GRK1: variants seen among roughly 807,000 people sequenced by gnomAD.
GRK1 encodes rhodopsin kinase GRK1.
A neutral mutation model predicts 41.7 loss-of-function variants in GRK1; 28 were observed. That is an observed-to-expected ratio of 0.67 (90% CI 0.50 to 0.92). GRK1 has a LOEUF of 0.92. Among genes scored for constraint, GRK1 ranks in the 40% least tolerant of loss-of-function variants. GRK1 has a pLI of 0.00. For synonymous variants in GRK1, 327 were observed against 286.7 expected, an observed-to-expected ratio of 1.14 and a Z score of -1.42; for missense variants, 703 against 671.2, an observed-to-expected ratio of 1.05 and a Z score of -0.52.
rs779956968 is a variant in GRK1, at chr13:113,733,037, C to T, written c.1348C>T (p.Arg450Cys). The T allele has an allele frequency of 4.1e-5, 63 of 1,536,964 alleles. No individual in the cohort carries two copies. In the Admixed American group the frequency reaches 7.6e-4, roughly 19 times the overall value. The change falls in exon 6 of 7, where the codon CGT becomes TGT. Residue 450 changes from arginine to cysteine, a missense_variant. By Grantham distance (180) the Arg-to-Cys change is radical. Transcript: ENST00000335678. ...CAGAGATGAGACCTGCGACAAGCTCCGTGCCCACCCCCTCTTCAAGGACCT... is the reference window on the plus strand; with the variant it reads ...CAGAGATGAGACCTGCGACAAGCTCTGTGCCCACCCCCTCTTCAAGGACCT... ...GFRDETCDKL[R>C]AHPLFKDLNW...
At chr13:113,734,666 G>A (rs1389429755) in intron 6 of GRK1, 11 of 164,660 alleles carry the variant, frequency 6.7e-5, no homozygotes, top group Admixed American at 3.8e-4. Context: ...GAGTGCCTGG[G>A]GTCTGGGGTC....
chr13:113,729,064 C>T (rs146266819), intron 4 of GRK1, among the ~76,000 whole-genome samples: 187 of 152,230 alleles, frequency 1.2e-3, no homozygotes, highest in African/African-American at 4.2e-3. Flanking sequence ...AGTCAGGCCG[C>T]GGTGAAGGGA....
intron 4 of GRK1, among the ~76,000 whole-genome samples, chr13:113,729,973 C>A (rs2049922899): frequency 6.6e-6 from 1 of 150,822 alleles, no homozygotes; most frequent in Non-Finnish European, 1.5e-5. Flanking sequence ...GCCCCTCCAT[C>A]TGGAGACAGT....
Position 113,731,105 on chromosome 13 carries a change from A to G in GRK1, c.1070-114A>G. The G allele has an allele frequency of 7.1e-7, 1 of 1,404,196 alleles. No individual in the cohort carries two copies. The highest frequency in any genetic ancestry group is 9.4e-7 in the Non-Finnish European group (1 of 1,060,196). The allele number at this position is 1,404,196 out of a possible 1,614,324, so 87.0% of individuals were successfully genotyped here. A position where few individuals can be genotyped will look rare whatever the true frequency, so the allele number is the denominator to read the frequency against. ...GGATTTTCTGGCCCCAAATGTGGAGAGTGCTGAGGCCCCGGGGGGGATGCA... is the reference window on the plus strand; with the variant it reads ...GGATTTTCTGGCCCCAAATGTGGAGGGTGCTGAGGCCCCGGGGGGGATGCA... On this transcript the variant is annotated intron_variant, in intron 4 of 6. Coordinates refer to ENST00000335678, the MANE Select transcript of GRK1 (RefSeq NM_002929.3). This position sits in a 1 kb window ranked among gnomAD's most constrained non-coding sequence, Gnocchi z 5.6.
intron 6 of GRK1, among the ~76,000 whole-genome samples, chr13:113,734,231 C>A (rs548141108): frequency 6.6e-6 from 1 of 152,212 alleles, no homozygotes; most frequent in African/African-American, 2.4e-5. Flanking sequence ...CGAGAAGTCG[C>A]TTTCGTATGT....
Position 113,735,283 on chromosome 13 carries a change from G to T in GRK1, c.1612G>T (p.Gly538Cys), listed in dbSNP as rs189451166. 1 of 1,536,108 alleles carries T rather than the reference G, an allele frequency of 6.5e-7. No individual in the cohort carries two copies. Among genetic ancestry groups the T allele is most frequent in the South Asian group, 1.2e-5 (1 of 83,996 alleles). The change falls in exon 7 of 7, where the codon GGT becomes TGT. Residue 538 changes from glycine to cysteine, a missense_variant. Physicochemically the swap from Gly to Cys is radical, Grantham distance 159 (BLOSUM62 -3). Transcript: ENST00000335678. ...FGELNVWRSDGQMPDDMKGIS... is the reference protein window; with the variant it reads ...FGELNVWRSDCQMPDDMKGIS... ...CGAGCTGAACGTGTGGCGCTCGGAC[G>T]GTCAGATGCCGGACGACATGAAGGG... is the stretch of plus-strand genomic sequence containing the variant.
Position 113,671,062 on chromosome 13 carries a change from G to A in GRK1, c.828-437G>A, listed in dbSNP as rs146219004. Among the ~76,000 whole-genome samples the A allele has an allele frequency of 5.1e-3, 782 of 152,282 alleles. 14 individuals carry two copies. The highest frequency in any genetic ancestry group is 0.017 in the African/African-American group (724 of 41,538). ...TTTTGCTTCTCTGCAAAACCTGTCCGTGGAAAACATAAGAGATGATGTTCT... is the reference window on the plus strand; with the variant it reads ...TTTTGCTTCTCTGCAAAACCTGTCCATGGAAAACATAAGAGATGATGTTCT... On this transcript the variant is annotated intron_variant, in intron 2 of 6. Transcript: ENST00000335678. The surrounding 1 kb of genome is among the most constrained non-coding windows in gnomAD (Gnocchi z 4.1).
intron 4 of GRK1, among the ~76,000 whole-genome samples, chr13:113,727,052 T>C (rs36188562): frequency 4.1e-4 from 63 of 152,214 alleles, no homozygotes; most frequent in African/African-American, 1.5e-3. Context: ...GTCATGGGTC[T>C]CCCAACGGGC....
intron 6 of GRK1, among the ~76,000 whole-genome samples, chr13:113,734,009 C>CGCGTGTGTGTGCATACATGTGT (rs1566700593): frequency 1.4e-5 from 1 of 72,800 alleles, no homozygotes; most frequent in African/African-American, 7.7e-5. Flanking sequence ...TGTGCGTGTG[C>CGCGTGTGTGTGCATACATGTGT]GTGCATGTGT....
rs1475304536 is a variant in GRK1, at chr13:113,734,034, G to A, written c.1396+949G>A. ...CGTGCATGTGTGTGCGTGCGTGTGC[G>A]TATGTGTGTGTGCATACGTGTGTGT... is the stretch of plus-strand genomic sequence containing the variant. On this transcript the variant is annotated intron_variant, in intron 6 of 6. Transcript: ENST00000335678. 3.8e-3 allele frequency among the ~76,000 whole-genome samples: 528 copies of A among 138,810 alleles called. 4 individuals are homozygous for A. The highest frequency in any genetic ancestry group is 4.8e-3 in the Non-Finnish European group (307 of 63,992). The allele number at this position is 138,810 out of a possible 152,430, so 91.1% of individuals were successfully genotyped here.
At chr13:113,733,671 A>ATGTATGTATGCATACATGTGTGCG (rs2049960608) in intron 6 of GRK1, among the ~76,000 whole-genome samples, 3 of 58,108 alleles carry the variant, frequency 5.2e-5, no homozygotes, top group East Asian at 6.1e-4. Context: ...GCGTGTGTGC[A>ATGTATGTATGCATACATGTGTGCG]CGTGTGTGCA....
intron 5 of GRK1, among the ~76,000 whole-genome samples, chr13:113,732,147 G>A (rs543409646): frequency 7.2e-5 from 11 of 152,182 alleles, no homozygotes; most frequent in East Asian, 1.9e-4. Context: ...GGGGGTGGCC[G>A]CACGGAGCCA....
At chr13:113,664,341 G>A (rs1286302037), upstream of GRK1, among the ~76,000 whole-genome samples, 1 of 152,176 alleles carries the variant, frequency 6.6e-6, no homozygotes, top group Non-Finnish European at 1.5e-5. The surrounding 1 kb of genome is among the most constrained non-coding windows in gnomAD (Gnocchi z 5.4). Context: ...ATCATTACAG[G>A]AGACAGAGTT....
intron 6 of GRK1, 73 bp downstream of exon 6, chr13:113,733,158 C>A (rs1483959028): frequency 1.4e-6 from 2 of 1,441,332 alleles, no homozygotes; most frequent in East Asian, 2.5e-5. Flanking sequence ...CCGCCCGGTC[C>A]AGCCTGTGAG....
intron 6 of GRK1, among the ~76,000 whole-genome samples, chr13:113,734,023 C>CGTGT (rs1566700638): frequency 1.1e-5 from 1 of 90,642 alleles, no homozygotes; most frequent in Non-Finnish European, 2.3e-5. Flanking sequence ...CATGTGTGTG[C>CGTGT]GTGCGTGTGC....
the GRK1 span, among the ~76,000 whole-genome samples, chr13:113,652,398 A>T: frequency 6.6e-6 from 1 of 152,288 alleles, no homozygotes; most frequent in South Asian, 2.1e-4. Context: ...TGGTCCATGG[A>T]GTGGTGGCCC....
At chr13:113,661,669 G>A in the GRK1 span, among the ~76,000 whole-genome samples, 1 of 152,186 alleles carries the variant, frequency 6.6e-6, no homozygotes, top group Non-Finnish European at 1.5e-5. Context: ...TATCACTACA[G>A]ACCCTGCAAA....
At chr13:113,649,676 G>T in the GRK1 span, 1 of 978,292 alleles carries the variant, frequency 1.0e-6, no homozygotes, top group South Asian at 2.2e-5. This position sits in a 1 kb window ranked among gnomAD's most constrained non-coding sequence, Gnocchi z 4.7. Context: ...CCGAGTGCAT[G>T]CCCTGGAATT....
the GRK1 span, chr13:113,653,133 C>T: frequency 4.2e-4 from 652 of 1,558,898 alleles, 2 homozygotes; most frequent in African/African-American, 4.9e-3. Flanking sequence ...GGCTGCCCCC[C>T]GGGAAGGCCT....
Sources: gnomAD v4.1 joint callset for allele counts (sites outside exome capture counted in the v4.1 genomes callset) on GRCh38, gnomAD v4.1.1 for gene constraint, Gnocchi (gnomAD v3.1) non-coding constraint, MANE v1.5 for transcripts, NCBI Gene and HGNC (gene_info 2026-07-23, HGNC 2026-07-21) for gene names.